CTNNA2: variants seen among roughly 807,000 people sequenced by gnomAD.
CTNNA2 encodes the protein catenin alpha-2.
A neutral mutation model predicts 101.0 loss-of-function variants in CTNNA2; 42 were observed. That is an observed-to-expected ratio of 0.42 (90% CI 0.32 to 0.54). CTNNA2 has a LOEUF of 0.54. Ranked by LOEUF, CTNNA2 falls within the 20% of genes least tolerant of loss-of-function variation. The probability of loss-of-function intolerance (pLI) is 0.14; values close to 1 mark genes in which losing one functional copy is unlikely to be tolerated. For missense variants in CTNNA2, 871 were observed against 1,223.1 expected, an observed-to-expected ratio of 0.71 and a Z score of 4.29; for synonymous variants, 450 against 456.4, an observed-to-expected ratio of 0.99 and a Z score of 0.18.
intron 7 of CTNNA2, among the ~76,000 whole-genome samples, chr2:80,359,595 G>A (rs1674192050): frequency 6.6e-6 from 1 of 152,090 alleles, no homozygotes; most frequent in East Asian, 1.9e-4. Flanking sequence ...GGCCATGTAA[G>A]ATGTGCCTGC....
intron 3 of CTNNA2, among the ~76,000 whole-genome samples, chr2:79,774,816 T>C (rs1397714402): frequency 6.6e-6 from 1 of 152,152 alleles, no homozygotes; most frequent in Non-Finnish European, 1.5e-5. Flanking sequence ...CCTCTTTCAC[T>C]TTCACCCCAC....
At chr2:79,336,806 G>A (rs1677004706) in intron 3 of CTNNA2, among the ~76,000 whole-genome samples, 2 of 152,062 alleles carry the variant, frequency 1.3e-5, no homozygotes, top group South Asian at 4.1e-4. Flanking sequence ...TACATTGCAA[G>A]GCCAATTTAG....
At chr2:79,338,555 TC>T (rs971562449) in intron 3 of CTNNA2, among the ~76,000 whole-genome samples, 9 of 151,670 alleles carry the variant, frequency 5.9e-5, no homozygotes, top group Non-Finnish European at 1.0e-4. Context: ...GGACCATTTT[TC>T]TTCTTCTTCT....
chr2:80,000,671 A>G (rs772306940), intron 7 of CTNNA2, among the ~76,000 whole-genome samples: 2 of 152,278 alleles, frequency 1.3e-5, no homozygotes, highest in South Asian at 2.1e-4. Context: ...CCGAGGTCAC[A>G]TGTCCATGGA....
chr2:80,617,486 A>G (rs1698947540), intron 17 of CTNNA2, among the ~76,000 whole-genome samples: 1 of 151,860 alleles, frequency 6.6e-6, no homozygotes, highest in African/African-American at 2.4e-5. Context: ...AGGAAAATAT[A>G]TGCAGAGTAT....
At chr2:80,045,023 G>A (rs146986987) in intron 7 of CTNNA2, among the ~76,000 whole-genome samples, 148 of 152,278 alleles carry the variant, frequency 9.7e-4, no homozygotes, top group African/African-American at 3.1e-3. Flanking sequence ...TTTATTTGGC[G>A]GCTGAACGCT....
chr2:80,027,582 T>C lies in CTNNA2; in HGVS notation c.1056+117785T>C, dbSNP rs114323346. 5.7e-3 allele frequency among the ~76,000 whole-genome samples: 873 copies of C among 152,306 alleles called. 10 individuals are homozygous for C. Among genetic ancestry groups the C allele is most frequent in the African/African-American group, 0.02 (826 of 41,566 alleles). Reference sequence around the variant, plus strand: ...AGCTCCGGCAAGAGAGGTTGAGGCTTATGCTTGGTTAGCACTGGAAGTGAA... The same window carrying C: ...AGCTCCGGCAAGAGAGGTTGAGGCTCATGCTTGGTTAGCACTGGAAGTGAA... On this transcript the variant is annotated intron_variant, in intron 7 of 18. Coordinates refer to ENST00000402739, the MANE Select transcript of CTNNA2 (RefSeq NM_001282597.3).
intron 2 of CTNNA2, among the ~76,000 whole-genome samples, chr2:79,213,531 GATACT>G (rs1674204360): frequency 6.6e-6 from 1 of 152,160 alleles, no homozygotes; most frequent in Non-Finnish European, 1.5e-5. Context: ...AGATGTGGAA[GATACT>G]ATAGCATAGC....
intron 9 of CTNNA2, among the ~76,000 whole-genome samples, chr2:80,495,991 A>G (rs1215999448): frequency 6.6e-6 from 1 of 150,812 alleles, no homozygotes; most frequent in African/African-American, 2.4e-5. Flanking sequence ...AGACAGAGAC[A>G]CATAGGGAGA....
At chr2:79,351,042 G>C (rs1438014523) in intron 3 of CTNNA2, among the ~76,000 whole-genome samples, 1 of 152,022 alleles carries the variant, frequency 6.6e-6, no homozygotes, top group Non-Finnish European at 1.5e-5. Flanking sequence ...GATATTACTT[G>C]TCTGAGATAA....
intron 9 of CTNNA2, among the ~76,000 whole-genome samples, chr2:80,526,410 G>A (rs1690037583): frequency 6.6e-6 from 1 of 152,178 alleles, no homozygotes. Flanking sequence ...ATGTTGGCCA[G>A]GCTGGTCTCG....
At chr2:80,123,490 C>A (rs1701957059) in intron 7 of CTNNA2, among the ~76,000 whole-genome samples, 1 of 151,826 alleles carries the variant, frequency 6.6e-6, no homozygotes, top group African/African-American at 2.4e-5. Flanking sequence ...GAAAGAAGGC[C>A]TGGAGACATT....
At chr2:79,341,549 T>C (rs1205974277) in intron 3 of CTNNA2, among the ~76,000 whole-genome samples, 1 of 152,208 alleles carries the variant, frequency 6.6e-6, no homozygotes, top group African/African-American at 2.4e-5. Flanking sequence ...CCACACATCT[T>C]TGGAGCAACG....
At chr2:79,569,889 A>G (rs967889319) in intron 1 of CTNNA2, among the ~76,000 whole-genome samples, 1 of 152,196 alleles carries the variant, frequency 6.6e-6, no homozygotes, top group African/African-American at 2.4e-5. Context: ...CTAAACTAAC[A>G]TAGCTAAACT....
chr2:79,503,707 A>G (rs991790871), intron 4 of CTNNA2, among the ~76,000 whole-genome samples: 1 of 152,084 alleles, frequency 6.6e-6, no homozygotes, highest in African/African-American at 2.4e-5. Context: ...GTGAACAGCT[A>G]TTTTCCCCCA....
At chr2:80,181,815 T>G (rs1424683904) in intron 7 of CTNNA2, among the ~76,000 whole-genome samples, 19 of 152,230 alleles carry the variant, frequency 1.2e-4, no homozygotes, top group Admixed American at 1.2e-3. Context: ...TTTGCATAAC[T>G]GTCTAAACAG....
chr2:80,285,924 A>C (rs998842355), intron 7 of CTNNA2, among the ~76,000 whole-genome samples: 1 of 152,122 alleles, frequency 6.6e-6, no homozygotes, highest in Non-Finnish European at 1.5e-5. Context: ...TTTTCTTTTC[A>C]AAATTGCATC....
intron 7 of CTNNA2, among the ~76,000 whole-genome samples, chr2:80,270,147 G>A (rs946622120): frequency 6.6e-5 from 10 of 152,242 alleles, no homozygotes; most frequent in African/African-American, 2.2e-4. Flanking sequence ...TTAGCCACAG[G>A]CTCCCCCATT....
chr2:79,390,466 TC>T (rs1460375844), intron 4 of CTNNA2, among the ~76,000 whole-genome samples: 3 of 152,218 alleles, frequency 2.0e-5, no homozygotes, highest in African/African-American at 7.2e-5. Context: ...TCTCACCTCC[TC>T]CGTTATACCT....
Sources: gnomAD v4.1 joint callset for allele counts (sites outside exome capture counted in the v4.1 genomes callset) on GRCh38, gnomAD v4.1.1 for gene constraint, MANE v1.5 for transcripts, NCBI Gene and HGNC (gene_info 2026-07-23, HGNC 2026-07-21) for gene names.